Variants in ERP44 observed in about 807,000 individuals in gnomAD.
ERP44 encodes endoplasmic reticulum resident protein 44.
In ERP44, 25 loss-of-function variants were observed where a neutral mutation model predicts 53.4. The observed-to-expected ratio is 0.47, with a 90% CI of 0.34 to 0.65. ERP44 has a LOEUF of 0.65. ERP44 is among the 30% of genes least tolerant of loss of function. The pLI is 0.01. For missense variants in ERP44, 338 were observed against 493.2 expected, an observed-to-expected ratio of 0.69 and a Z score of 2.98; for synonymous variants, 145 against 161.2, an observed-to-expected ratio of 0.90 and a Z score of 0.76.
chr9:100,055,259 ATGTAT>A (rs1193125625), intron 3 of ERP44, among the ~76,000 whole-genome samples: 4 of 152,260 alleles, frequency 2.6e-5, no homozygotes, highest in Non-Finnish European at 5.9e-5. Flanking sequence ...CTAAACAGAA[ATGTAT>A]TGTACATTTT....
rs1203322245 is a variant in ERP44 at position 100,068,063 on chromosome 9, A to G, written c.58-7891T>C. 1.3e-3 allele frequency among the ~76,000 whole-genome samples: 166 copies of G among 125,844 alleles called. 1 individual carries two copies. Among genetic ancestry groups the G allele is most frequent in the Non-Finnish European group, 2.1e-3 (128 of 59,776 alleles). The allele number at this position is 125,844 out of a possible 152,430, so 82.6% of individuals were successfully genotyped here. A position where few individuals can be genotyped will look rare whatever the true frequency, so the allele number is the denominator to read the frequency against. On this transcript the variant is annotated intron_variant, in intron 1 of 11. Transcript: ENST00000262455. ...AGTCCCCCGCCCGGCCAGCCGCCCC[A>G]TCCGGGAGGGAGGTGGGGGAGTCAG...
At chr9:100,015,499 G>A (rs1399266634) in intron 8 of ERP44, among the ~76,000 whole-genome samples, 1 of 152,146 alleles carries the variant, frequency 6.6e-6, no homozygotes, top group Non-Finnish European at 1.5e-5. Context: ...ATTTCGATGG[G>A]CTTGATTTCA....
intron 4 of ERP44, among the ~76,000 whole-genome samples, chr9:100,036,452 A>G (rs1467756276): frequency 1.3e-5 from 2 of 152,246 alleles, no homozygotes; most frequent in Non-Finnish European, 2.9e-5. Flanking sequence ...TTAGGTATAC[A>G]TGGACATAAA....
intron 10 of ERP44, among the ~76,000 whole-genome samples, chr9:99,996,908 C>T (rs1342568751): frequency 2.2e-4 from 5 of 22,484 alleles, no homozygotes; most frequent in African/African-American, 5.6e-4. Context: ...TATATATATA[C>T]ATATATATAT....
At chr9:99,988,761 G>A (rs1052316553) in intron 10 of ERP44, among the ~76,000 whole-genome samples, 3 of 152,178 alleles carry the variant, frequency 2.0e-5, no homozygotes, top group African/African-American at 4.8e-5. Context: ...GGGATTGGGG[G>A]ATTTACCTTT....
At chr9:100,006,972 T>C (rs559817611) in intron 9 of ERP44, among the ~76,000 whole-genome samples, 1 of 152,338 alleles carries the variant, frequency 6.6e-6, no homozygotes, top group South Asian at 2.1e-4. Context: ...CAAGTTGATA[T>C]ATGAGCCATT....
chr9:100,016,493 T>C (rs1237246837), intron 7 of ERP44, 55 bp from the exon 8 acceptor site: 10 of 1,504,088 alleles, frequency 6.6e-6, no homozygotes, highest in Non-Finnish European at 8.8e-6. Context: ...CAAAAGTATA[T>C]TCTTATTTTT....
chr9:99,982,781 G>T (rs929230139), intron 11 of ERP44, 68 bp from the exon 12 acceptor site: 4 of 928,936 alleles, frequency 4.3e-6, no homozygotes, highest in Non-Finnish European at 6.3e-6. Context: ...TTTAATAAGT[G>T]TATTCGATGA....
chr9:100,004,498 T>C (rs1830408540), intron 10 of ERP44, among the ~76,000 whole-genome samples: 2 of 152,188 alleles, frequency 1.3e-5, no homozygotes, highest in South Asian at 4.1e-4. Flanking sequence ...GCTCAGTTCA[T>C]GGGTACCAGC....
At chr9:100,071,689 G>A (rs1054445946) in intron 1 of ERP44, among the ~76,000 whole-genome samples, 4 of 152,148 alleles carry the variant, frequency 2.6e-5, no homozygotes, top group African/African-American at 9.7e-5. Flanking sequence ...GGAGGCTGAG[G>A]CAGGGGGATC....
intron 8 of ERP44, 151 bp downstream of exon 8, chr9:100,016,171 G>T: frequency 8.4e-7 from 1 of 1,190,312 alleles, no homozygotes; most frequent in South Asian, 2.3e-5. Flanking sequence ...AGAATCACTG[G>T]TGTATATTAC....
At chr9:100,031,162 T>A (rs1825783204) in intron 4 of ERP44, among the ~76,000 whole-genome samples, 1 of 149,960 alleles carries the variant, frequency 6.7e-6, no homozygotes, top group Non-Finnish European at 1.5e-5. Flanking sequence ...GGAAAACTGG[T>A]TAATTACAGA....
intron 1 of ERP44, among the ~76,000 whole-genome samples, 177 bp from the exon 2 acceptor site, chr9:100,060,349 A>G (rs1214356893): frequency 2.0e-5 from 3 of 152,210 alleles, no homozygotes; most frequent in African/African-American, 7.2e-5. Context: ...TAGGAGAAAT[A>G]TTAGCTTCTC....
chr9:99,983,470 G>A (rs907553146), intron 11 of ERP44, among the ~76,000 whole-genome samples: 2 of 150,532 alleles, frequency 1.3e-5, no homozygotes, highest in East Asian at 2.0e-4. Context: ...GCGTGAACCC[G>A]GGAAGCGGAG....
At chr9:100,006,212 A>C (rs932980804) in intron 10 of ERP44, among the ~76,000 whole-genome samples, 6 of 152,268 alleles carry the variant, frequency 3.9e-5, no homozygotes, top group African/African-American at 9.6e-5. Context: ...ATTTCTCACA[A>C]GACAAAAATT....
intron 10 of ERP44, among the ~76,000 whole-genome samples, chr9:99,988,888 C>A (rs893959701): frequency 1.3e-5 from 2 of 152,242 alleles, no homozygotes; most frequent in Non-Finnish European, 1.5e-5. Context: ...TATCCCACAC[C>A]TGGCTCAGTG....
At chr9:100,082,520 G>A (rs1826437985) in intron 1 of ERP44, among the ~76,000 whole-genome samples, 1 of 151,972 alleles carries the variant, frequency 6.6e-6, no homozygotes, top group Non-Finnish European at 1.5e-5. Flanking sequence ...TGGAACAACA[G>A]GCAGCCACCT....
At chr9:100,014,627 A>G (rs1313788464) in intron 8 of ERP44, among the ~76,000 whole-genome samples, 2 of 152,228 alleles carry the variant, frequency 1.3e-5, no homozygotes, top group Non-Finnish European at 2.9e-5. Flanking sequence ...AAAAAAATTT[A>G]ATATTTCACA....
At chr9:100,048,008 G>C (rs778655098) in intron 4 of ERP44, among the ~76,000 whole-genome samples, 2 of 102,506 alleles carry the variant, frequency 2.0e-5, no homozygotes, top group Non-Finnish European at 3.6e-5. Context: ...CTAATTATTA[G>C]GGAAATGCAA....
Sources: gnomAD v4.1 joint callset for allele counts (sites outside exome capture counted in the v4.1 genomes callset) on GRCh38, gnomAD v4.1.1 for gene constraint, MANE v1.5 for transcripts, NCBI Gene and HGNC (gene_info 2026-07-23, HGNC 2026-07-21) for gene names.